MEI1: variants seen among roughly 807,000 people sequenced by gnomAD.
MEI1 encodes meiotic double-stranded break formation protein 1.
In MEI1, 103 loss-of-function variants were observed where a neutral mutation model predicts 146.2. The observed-to-expected ratio is 0.70, with a 90% CI of 0.60 to 0.83. The LOEUF is 0.83. Ranked by LOEUF, MEI1 falls within the 40% of genes least tolerant of loss-of-function variation. The pLI is 0.00. For synonymous variants in MEI1, 652 were observed against 628.2 expected, an observed-to-expected ratio of 1.04 and a Z score of -0.57; for missense variants, 1,529 against 1,533.0, an observed-to-expected ratio of 1.00 and a Z score of 0.04.
At chr22:41,722,577 T>A (rs970187915) in intron 6 of MEI1, among the ~76,000 whole-genome samples, 1 of 151,250 alleles carries the variant, frequency 6.6e-6, no homozygotes, top group Non-Finnish European at 1.5e-5. Context: ...TCTCTATCTG[T>A]CCCCACCCTA....
intron 7 of MEI1, among the ~76,000 whole-genome samples, chr22:41,726,521 GAA>G (rs971260860): frequency 4.6e-5 from 7 of 152,070 alleles, no homozygotes; most frequent in African/African-American, 1.4e-4. Flanking sequence ...CTTCAAAAAA[GAA>G]TATTTATTTT....
At position 41,795,188 on chromosome 22, in the gene MEI1, G is replaced by A. The variant is rs1352934963; in HGVS notation, c.3535-223G>A. 6.6e-6 allele frequency among the ~76,000 whole-genome samples: 1 copy of A among 152,166 alleles called. No homozygotes were observed. The highest frequency in any genetic ancestry group is 1.5e-5 in the Non-Finnish European group (1 of 68,034). ...TGGGTAGGAGGGAGCCAAGGCCAAA[G>A]GGGTCAGGAGGGCCAGCTCTCTCAG... is the stretch of plus-strand genomic sequence containing the variant. On this transcript the variant is annotated intron_variant, in intron 28 of 30. Coordinates refer to ENST00000401548, the MANE Select transcript of MEI1 (RefSeq NM_152513.4). The surrounding 1 kb of genome is among the most constrained non-coding windows in gnomAD (Gnocchi z 4.2).
intron 19 of MEI1, among the ~76,000 whole-genome samples, chr22:41,768,438 G>A (rs11704894): frequency 0.015 from 2,221 of 151,332 alleles, 26 homozygotes; most frequent in Non-Finnish European, 0.02. Flanking sequence ...ATTTACAATA[G>A]CATCAAGAAA....
chr22:41,793,328 T>C (rs1173277768), intron 26 of MEI1, among the ~76,000 whole-genome samples: 1 of 146,102 alleles, frequency 6.8e-6, no homozygotes, highest in Admixed American at 7.0e-5. Context: ...CACGATGGAG[T>C]TTCGCTCTGT....
intron 1 of MEI1, 27 bp downstream of exon 1, chr22:41,699,739 G>A: frequency 6.5e-7 from 1 of 1,533,548 alleles, no homozygotes; most frequent in Non-Finnish European, 8.8e-7. Context: ...TTCTTCAGAA[G>A]ACCTGGGTTT....
Position 41,770,967 on chromosome 22 carries a change from C to G in MEI1, c.2544+6C>G. 1.2e-6 allele frequency: 2 copies of G among 1,611,628 alleles called. No homozygotes were observed. The highest frequency in any genetic ancestry group is 1.7e-6 in the Non-Finnish European group (2 of 1,178,462). On this transcript the variant is annotated splice_donor_region_variant and intron_variant, in intron 20 of 30. Coordinates refer to ENST00000401548, the MANE Select transcript of MEI1 (RefSeq NM_152513.4). Reference sequence around the variant, plus strand: ...GCATCCTGCTCATCTTGCTGGTAGGCAACCACTCATTCATTTCTACATTCA... The same window carrying G: ...GCATCCTGCTCATCTTGCTGGTAGGGAACCACTCATTCATTTCTACATTCA...
In MEI1 at chr22:41,699,663, G is replaced by A; in HGVS notation, c.125G>A (p.Arg42His). 1 of 1,590,982 alleles carries A rather than the reference G, an allele frequency of 6.3e-7. No homozygotes were observed. The highest frequency in any genetic ancestry group is 1.8e-5 in the Admixed American group (1 of 56,276). ...CGCTGGCTGCTGCCCGTGACCCCCC[G>A]CCTGTGCCTGGCCTGCGCGCTGGAG... ...DPRWLLPVTPRLCLACALELL... is the reference protein window; with the variant it reads ...DPRWLLPVTPHLCLACALELL... The change falls in exon 1 of 31, where the codon CGC becomes CAC. Residue 42 changes from arginine (R) to histidine (H), a missense_variant. Physicochemically the swap from Arg to His is conservative, Grantham distance 29. Coordinates refer to ENST00000401548, the MANE Select transcript of MEI1 (RefSeq NM_152513.4).
intron 9 of MEI1, among the ~76,000 whole-genome samples, chr22:41,732,015 T>G (rs1386694057): frequency 3.9e-5 from 6 of 152,136 alleles, no homozygotes; most frequent in African/African-American, 1.4e-4. Flanking sequence ...AAACCTCAAG[T>G]GCCAGGGACT....
intron 26 of MEI1, among the ~76,000 whole-genome samples, chr22:41,789,146 C>T (rs2076087380): frequency 6.6e-6 from 1 of 152,090 alleles, no homozygotes; most frequent in Non-Finnish European, 1.5e-5. Context: ...CTCATCTCTA[C>T]TAAAAATACA....
intron 10 of MEI1, 61 bp from the exon 11 acceptor site, chr22:41,732,408 C>A: frequency 6.2e-7 from 1 of 1,613,420 alleles, no homozygotes; most frequent in Non-Finnish European, 8.5e-7. Flanking sequence ...AGTGGGCTTT[C>A]ACTCCTGGTG....
intron 7 of MEI1, among the ~76,000 whole-genome samples, chr22:41,728,848 G>A (rs1601782632): frequency 1.4e-5 from 2 of 146,800 alleles, no homozygotes; most frequent in African/African-American, 2.7e-5. Flanking sequence ...GTGATAAAGT[G>A]AGACCCTGTG....
At chr22:41,709,183 C>T (rs1691586555) in intron 3 of MEI1, 2 of 793,846 alleles carry the variant, frequency 2.5e-6, no homozygotes, top group Admixed American at 1.7e-5. Flanking sequence ...ACTGTACAGT[C>T]ACCAGAAGTA....
intron 3 of MEI1, among the ~76,000 whole-genome samples, chr22:41,706,088 A>G (rs113359395): frequency 0.024 from 3,691 of 152,020 alleles, 171 homozygotes; most frequent in African/African-American, 0.084. Flanking sequence ...GTACAATCAT[A>G]GCTCACTGCA....
intron 3 of MEI1, among the ~76,000 whole-genome samples, chr22:41,711,567 G>C (rs1284628877): frequency 6.6e-6 from 1 of 152,218 alleles, no homozygotes; most frequent in Non-Finnish European, 1.5e-5. Flanking sequence ...GAAAGCACTA[G>C]AGGAAGACTA....
intron 19 of MEI1, chr22:41,767,655 A>T: frequency 2.2e-6 from 1 of 452,230 alleles, no homozygotes; most frequent in Non-Finnish European, 4.5e-6. Flanking sequence ...TTGCTTCTCA[A>T]CATTTCAGCT....
At chr22:41,746,053 A>G (rs1476636632) in intron 14 of MEI1, 27 bp downstream of exon 14, 2 of 1,554,368 alleles carry the variant, frequency 1.3e-6, no homozygotes. Context: ...CACGGGCAAC[A>G]TGAAGCTTGG....
chr22:41,789,119 G>A (rs892681905), intron 26 of MEI1, among the ~76,000 whole-genome samples: 2 of 152,122 alleles, frequency 1.3e-5, no homozygotes, highest in Non-Finnish European at 2.9e-5. Flanking sequence ...AGGCCAGCCT[G>A]GCCAACAGGG....
intron 18 of MEI1, among the ~76,000 whole-genome samples, chr22:41,762,549 G>GTTTTTTTTTTTTTTTTTT: frequency 7.8e-6 from 1 of 128,798 alleles, no homozygotes; most frequent in Non-Finnish European, 1.6e-5. Flanking sequence ...TAATTTAACT[G>GTTTTTTTTTTTTTTTTTT]ATTTTTTTTT....
chr22:41,731,545 C>T (rs561393602), intron 9 of MEI1, among the ~76,000 whole-genome samples: 21 of 151,694 alleles, frequency 1.4e-4, no homozygotes, highest in Non-Finnish European at 2.4e-4. Flanking sequence ...TTAGTAGAGA[C>T]GGGGGTCTCT....
Sources: gnomAD v4.1 joint callset for allele counts (sites outside exome capture counted in the v4.1 genomes callset) on GRCh38, gnomAD v4.1.1 for gene constraint, Gnocchi (gnomAD v3.1) non-coding constraint, MANE v1.5 for transcripts, NCBI Gene and HGNC (gene_info 2026-07-23, HGNC 2026-07-21) for gene names.